DDAH1: variants seen among roughly 807,000 people sequenced by gnomAD.
DDAH1 encodes dimethylarginine dimethylaminohydrolase 1.
DDAH1 carries 19 observed loss-of-function variants against 28.8 expected under a neutral mutation model. That is an observed-to-expected ratio of 0.66 (90% confidence interval 0.46 to 0.97). The LOEUF (loss-of-function observed/expected upper bound fraction) is 0.97, where lower values mean the gene tolerates loss of function less well. DDAH1 is among the 50% of genes least tolerant of loss of function. The pLI, the probability that DDAH1 is intolerant of heterozygous loss-of-function variation, is 0.00. For missense variants in DDAH1, 326 were observed against 375.9 expected, an observed-to-expected ratio of 0.87 and a Z score of 1.10; for synonymous variants, 153 against 154.4, an observed-to-expected ratio of 0.99 and a Z score of 0.07.
intron 4 of DDAH1, among the ~76,000 whole-genome samples, chr1:85,325,766 T>C (rs564485959): frequency 6.6e-6 from 1 of 152,016 alleles, no homozygotes; most frequent in South Asian, 2.1e-4. Context: ...ATCAAAACTA[T>C]CAAAAAACAA....
At chr1:85,409,536 G>A (rs555169791) in intron 1 of DDAH1, among the ~76,000 whole-genome samples, 14 of 152,126 alleles carry the variant, frequency 9.2e-5, no homozygotes, top group East Asian at 3.9e-4. Flanking sequence ...GAGATTCTAC[G>A]TCACACTTCT....
intron 1 of DDAH1, among the ~76,000 whole-genome samples, chr1:85,543,076 C>A (rs1033564435): frequency 6.6e-6 from 1 of 152,070 alleles, no homozygotes; most frequent in Non-Finnish European, 1.5e-5. Flanking sequence ...CTTCTCAGAT[C>A]TTTTTTTATA....
intron 1 of DDAH1, among the ~76,000 whole-genome samples, chr1:85,498,206 A>T (rs1656668291): frequency 6.6e-6 from 1 of 152,142 alleles, no homozygotes; most frequent in Admixed American, 6.6e-5. Flanking sequence ...AGCCAACAGG[A>T]CTATAGCGGT....
At chr1:85,471,590 G>A (rs1256636380) in intron 2 of DDAH1, among the ~76,000 whole-genome samples, 1 of 152,182 alleles carries the variant, frequency 6.6e-6, no homozygotes, top group Non-Finnish European at 1.5e-5. Context: ...TTGCTTCTAG[G>A]ACACAGTAAA....
chr1:85,474,520 C>T (rs1278722451), intron 2 of DDAH1, among the ~76,000 whole-genome samples: 1 of 152,122 alleles, frequency 6.6e-6, no homozygotes, highest in African/African-American at 2.4e-5. Context: ...TGGGTAATTC[C>T]TAATCCTCTT....
chr1:85,477,652 G>A (rs1655848413), intron 2 of DDAH1, among the ~76,000 whole-genome samples: 1 of 151,420 alleles, frequency 6.6e-6, no homozygotes, highest in African/African-American at 2.4e-5. Context: ...ATATGTATAT[G>A]CATATACTAT....
intron 1 of DDAH1, among the ~76,000 whole-genome samples, chr1:85,360,585 AT>A (rs1256325741): frequency 6.6e-6 from 1 of 152,200 alleles, no homozygotes; most frequent in African/African-American, 2.4e-5. Flanking sequence ...TTTTGTTTCT[AT>A]TACTAATGCT....
chr1:85,526,997 A>G (rs1413943339), intron 1 of DDAH1, among the ~76,000 whole-genome samples: 2 of 152,160 alleles, frequency 1.3e-5, no homozygotes, highest in Non-Finnish European at 2.9e-5. Context: ...CCAGGGTAGA[A>G]CTTCTATTTC....
chr1:85,563,668 A>G (rs1227203615), intron 1 of DDAH1, among the ~76,000 whole-genome samples: 1 of 152,244 alleles, frequency 6.6e-6, no homozygotes, highest in Non-Finnish European at 1.5e-5. Flanking sequence ...AAATAAGCAG[A>G]AAAACATGAT....
intron 1 of DDAH1, among the ~76,000 whole-genome samples, chr1:85,541,595 C>T (rs1010479564): frequency 1.3e-5 from 2 of 152,218 alleles, no homozygotes. Flanking sequence ...TGATCTATCA[C>T]TAAAACCCTT....
intron 1 of DDAH1, among the ~76,000 whole-genome samples, chr1:85,528,829 C>T (rs1424098376): frequency 1.6e-4 from 24 of 151,922 alleles, no homozygotes; most frequent in Non-Finnish European, 2.6e-4. Context: ...CAAAAATTAG[C>T]TGGGCATGGT....
At chr1:85,346,715 C>T (rs1291534941) in intron 4 of DDAH1, among the ~76,000 whole-genome samples, 4 of 148,846 alleles carry the variant, frequency 2.7e-5, no homozygotes, top group African/African-American at 9.9e-5. Context: ...TCTATAATAA[C>T]ATGGAGTATT....
chr1:85,501,509 T>C (rs1490008751), intron 1 of DDAH1, among the ~76,000 whole-genome samples: 1 of 152,192 alleles, frequency 6.6e-6, no homozygotes, highest in Non-Finnish European at 1.5e-5. Flanking sequence ...ATAGTACCCA[T>C]ATGCAGATTT....
intron 1 of DDAH1, among the ~76,000 whole-genome samples, chr1:85,396,983 G>C (rs1408294755): frequency 6.6e-6 from 1 of 151,156 alleles, no homozygotes; most frequent in Non-Finnish European, 1.5e-5. Flanking sequence ...GCTGCAGTGA[G>C]CCATGATCAC....
At chr1:85,549,541 A>C (rs913589938) in intron 1 of DDAH1, among the ~76,000 whole-genome samples, 3 of 152,228 alleles carry the variant, frequency 2.0e-5, no homozygotes, top group Admixed American at 2.0e-4. Flanking sequence ...CACCTGGTTC[A>C]TCTCTGCTTC....
intron 4 of DDAH1, among the ~76,000 whole-genome samples, chr1:85,331,423 G>GTATGTATATGTATATATATA (rs111876317): frequency 0.12 from 17,074 of 148,338 alleles, 1,280 homozygotes; most frequent in South Asian, 0.28. Context: ...ATTCATATAT[G>GTATGTATATGTATATATATA]TATATATATA....
intron 1 of DDAH1, among the ~76,000 whole-genome samples, chr1:85,555,411 AT>A (rs1267819799): frequency 1.3e-5 from 2 of 152,232 alleles, no homozygotes; most frequent in Non-Finnish European, 2.9e-5. Context: ...AGATTTTTTA[AT>A]TCCCTACTGT....
intron 4 of DDAH1, among the ~76,000 whole-genome samples, chr1:85,332,382 T>C (rs1647831010): frequency 6.6e-6 from 1 of 152,276 alleles, no homozygotes; most frequent in Non-Finnish European, 1.5e-5. Flanking sequence ...TCCCAGAGCA[T>C]GAAACCTGAT....
At chr1:85,559,958 C>T (rs984013415) in intron 1 of DDAH1, among the ~76,000 whole-genome samples, 1 of 151,848 alleles carries the variant, frequency 6.6e-6, no homozygotes, top group Admixed American at 6.6e-5. Flanking sequence ...AGAATAAACC[C>T]ACAGATCCAA....
Sources: allele counts gnomAD v4.1 joint callset (sites outside exome capture counted in the v4.1 genomes callset), GRCh38; gene constraint gnomAD v4.1.1; transcripts MANE v1.5; gene names NCBI Gene and HGNC (gene_info 2026-07-23, HGNC 2026-07-21).